ABCG1: variants seen among roughly 807,000 people sequenced by gnomAD.
ABCG1 encodes the protein ATP-binding cassette sub-family G member 1.
In ABCG1, 29 loss-of-function variants were observed where a neutral mutation model predicts 69.2. The observed-to-expected ratio is 0.42, with a 90% CI of 0.31 to 0.57. The LOEUF (loss-of-function observed/expected upper bound fraction) is 0.57, where lower values mean the gene tolerates loss of function less well. Among genes scored for constraint, ABCG1 ranks in the 20% least tolerant of loss-of-function variants. The pLI, the probability that ABCG1 is intolerant of heterozygous loss-of-function variation, is 0.15. For synonymous variants in ABCG1, 370 were observed against 374.8 expected, an observed-to-expected ratio of 0.99 and a Z score of 0.15; for missense variants, 718 against 898.1, an observed-to-expected ratio of 0.80 and a Z score of 2.56.
intron 1 of ABCG1, among the ~76,000 whole-genome samples, chr21:42,200,048 C>T (rs4148083): frequency 0.081 from 12,288 of 152,216 alleles, 618 homozygotes; most frequent in East Asian, 0.21. Context: ...TGGTGAGCTG[C>T]CTGGATTTGG....
At chr21:42,206,613 C>T (rs1337705964) in intron 2 of ABCG1, among the ~76,000 whole-genome samples, 2 of 152,226 alleles carry the variant, frequency 1.3e-5, no homozygotes, top group Non-Finnish European at 2.9e-5. Flanking sequence ...GGTGCCACCA[C>T]ATCTGGATAA....
upstream of ABCG1, among the ~76,000 whole-genome samples, chr21:42,217,008 G>A (rs1244596753): frequency 6.6e-6 from 1 of 152,106 alleles, no homozygotes; most frequent in Non-Finnish European, 1.5e-5. Flanking sequence ...AGCCAACAAG[G>A]GCCCAGCATA....
chr21:42,268,718 C>A (rs1299449415), intron 2 of ABCG1, among the ~76,000 whole-genome samples: 1 of 152,154 alleles, frequency 6.6e-6, no homozygotes, highest in Non-Finnish European at 1.5e-5. Flanking sequence ...CTCTGCAGCC[C>A]CAGTTGTGTG....
At chr21:42,236,695 T>C (rs1299640409) in intron 2 of ABCG1, among the ~76,000 whole-genome samples, 1 of 152,168 alleles carries the variant, frequency 6.6e-6, no homozygotes, top group Non-Finnish European at 1.5e-5. Context: ...AAATTACAGT[T>C]TCCAAGCCTA....
chr21:42,256,207 A>G (rs895015941), intron 2 of ABCG1: 10 of 1,447,544 alleles, frequency 6.9e-6, no homozygotes, highest in South Asian at 1.5e-5. Flanking sequence ...ATTAAACCTC[A>G]TAAGTGGTTT....
intron 2 of ABCG1, among the ~76,000 whole-genome samples, chr21:42,241,572 T>C (rs1164151484): frequency 1.1e-4 from 17 of 149,264 alleles, no homozygotes. Flanking sequence ...ACCACTGCAC[T>C]CCAGCCTGAG....
At chr21:42,208,002 T>C (rs989886619) in intron 2 of ABCG1, among the ~76,000 whole-genome samples, 2 of 152,182 alleles carry the variant, frequency 1.3e-5, no homozygotes, top group African/African-American at 2.4e-5. Flanking sequence ...ACATATATTA[T>C]GGCTAGAAGA....
rs372119533 is a variant in ABCG1, at chr21:42,228,413, G to A, written c.286+2499G>A. 1.8e-4 allele frequency among the ~76,000 whole-genome samples: 27 copies of A among 152,254 alleles called. No homozygotes were observed. The South Asian group carries it at 2.1e-3, about 12-fold the overall frequency. On this transcript the variant is annotated intron_variant, in intron 2 of 14. Transcript: ENST00000398449. ...CCTCCCCAGCCACAGCAGCACCTGC[G>A]TCTGTCTTCCCTCTCCCTGCTCCTC...
In ABCG1 at chr21:42,270,956, A is replaced by G. The variant is rs115474443; in HGVS notation, c.287-114A>G. Reference sequence around the variant, plus strand: ...TCTTCCCTGGAATGCAGCCTTTTCTATGATGCATGTCAAAGGTTGCCTTTG... The same window carrying G: ...TCTTCCCTGGAATGCAGCCTTTTCTGTGATGCATGTCAAAGGTTGCCTTTG... On this transcript the variant is annotated intron_variant, in intron 2 of 14. Transcript: ENST00000398449. The G allele has an allele frequency of 8.5e-4, 520 of 609,108 alleles. 3 individuals carry two copies. Among genetic ancestry groups the G allele is most frequent in the African/African-American group, 7.5e-3 (394 of 52,346 alleles). 37.7% of individuals were successfully genotyped at this position (609,108 alleles called of 1,614,324 possible).
chr21:42,236,785 C>T (rs940269604), intron 2 of ABCG1, among the ~76,000 whole-genome samples: 2 of 152,180 alleles, frequency 1.3e-5, no homozygotes, highest in South Asian at 2.1e-4. Context: ...AGGAAGGGTA[C>T]ATCTATGATA....
Position 42,296,432 on chromosome 21 carries a change from G to T in ABCG1, c.*40G>T. 1 of 1,568,600 alleles carries T rather than the reference G, an allele frequency of 6.4e-7. No homozygotes were observed. Among genetic ancestry groups the T allele is most frequent in the Non-Finnish European group, 8.7e-7 (1 of 1,148,444 alleles). Reference sequence around the variant, plus strand: ...AGGAAACAGGAAGATTAGACACTGTGGCCGAGGGCACGTCTAGAATCGAGG... The same window carrying T: ...AGGAAACAGGAAGATTAGACACTGTTGCCGAGGGCACGTCTAGAATCGAGG... On this transcript the variant is annotated 3_prime_UTR_variant, in exon 15 of 15. Coordinates refer to ENST00000398449, the MANE Select transcript of ABCG1 (RefSeq NM_016818.3). This position sits in a 1 kb window ranked among gnomAD's most constrained non-coding sequence, Gnocchi z 5.4.
chr21:42,224,915 T>G (rs903242009), intron 1 of ABCG1, among the ~76,000 whole-genome samples: 1 of 152,280 alleles, frequency 6.6e-6, no homozygotes, highest in South Asian at 2.1e-4. Flanking sequence ...GATTAGGTAT[T>G]CTCTTGATGC....
intron 2 of ABCG1, among the ~76,000 whole-genome samples, chr21:42,208,638 C>A (rs2067562166): frequency 6.6e-6 from 1 of 152,160 alleles, no homozygotes; most frequent in African/African-American, 2.4e-5. Flanking sequence ...GACCTGGATC[C>A]TTTTTCGGGG....
chr21:42,291,269 C>T lies in ABCG1; in HGVS notation c.1494+77C>T, dbSNP rs1601457236. ...CACCCTTTATATCGAGTAAGAGGAC[C>T]TGCCAGGGATGCAGGGTGACATGGC... On this transcript the variant is annotated intron_variant, in intron 12 of 14. Transcript: ENST00000398449. This position sits in a 1 kb window ranked among gnomAD's most constrained non-coding sequence, Gnocchi z 6.4. The T allele has an allele frequency of 3.1e-6, 4 of 1,305,604 alleles. No individual in the cohort carries two copies. The highest frequency in any genetic ancestry group is 4.7e-4 in the Middle Eastern group (2 of 4,212). The allele number at this position is 1,305,604 out of a possible 1,614,324, so 80.9% of individuals were successfully genotyped here. A position where few individuals can be genotyped will look rare whatever the true frequency, so the allele number is the denominator to read the frequency against.
intron 2 of ABCG1, among the ~76,000 whole-genome samples, chr21:42,228,353 A>C (rs988129169): frequency 6.6e-6 from 1 of 152,110 alleles, no homozygotes; most frequent in Non-Finnish European, 1.5e-5. Flanking sequence ...GCAGGGGCCA[A>C]GGGTAGTTTT....
At chr21:42,204,181 T>C (rs912835910) in intron 2 of ABCG1, among the ~76,000 whole-genome samples, 19 of 152,338 alleles carry the variant, frequency 1.2e-4, no homozygotes, top group African/African-American at 4.6e-4. Flanking sequence ...ATCATGTCAT[T>C]TGAAAATAGA....
At chr21:42,285,744 C>T in intron 7 of ABCG1, 136 bp from the exon 8 acceptor site, 1 of 695,446 alleles carries the variant, frequency 1.4e-6, no homozygotes, top group Non-Finnish European at 2.6e-6. Flanking sequence ...ATGTAAAGCT[C>T]TCAGGAGAGG....
intron 2 of ABCG1, among the ~76,000 whole-genome samples, chr21:42,237,153 G>T (rs944983839): frequency 4.3e-4 from 66 of 152,318 alleles, no homozygotes; most frequent in South Asian, 2.1e-4. Context: ...GCATCATTTT[G>T]TCACCTTCTC....
intron 6 of ABCG1, among the ~76,000 whole-genome samples, chr21:42,283,096 G>C (rs2068843710): frequency 6.6e-6 from 1 of 152,204 alleles, no homozygotes; most frequent in Non-Finnish European, 1.5e-5. Context: ...GGGTGGCCAG[G>C]AACCAGGCTT....
Sources: gnomAD v4.1 joint callset for allele counts (sites outside exome capture counted in the v4.1 genomes callset) on GRCh38, gnomAD v4.1.1 for gene constraint, Gnocchi (gnomAD v3.1) non-coding constraint, MANE v1.5 for transcripts, NCBI Gene and HGNC (gene_info 2026-07-23, HGNC 2026-07-21) for gene names.